Variants in KDM1A observed in about 807,000 individuals in gnomAD.
KDM1A encodes lysine-specific histone demethylase 1A.
KDM1A carries 49 observed loss-of-function variants against 109.4 expected under a neutral mutation model. The ratio of observed to expected loss-of-function variants is 0.45; its 90% CI spans 0.36 to 0.57. KDM1A has a LOEUF of 0.57. Ranked by LOEUF, KDM1A falls within the 20% of genes least tolerant of loss-of-function variation. KDM1A has a pLI of 0.00. For missense variants in KDM1A, 668 were observed against 1,116.6 expected, an observed-to-expected ratio of 0.60 and a Z score of 5.73; for synonymous variants, 380 against 415.4, an observed-to-expected ratio of 0.91 and a Z score of 1.04.
At chr1:23,023,973 C>T (rs1641719767) in intron 1 of KDM1A, among the ~76,000 whole-genome samples, 1 of 152,180 alleles carries the variant, frequency 6.6e-6, no homozygotes, top group African/African-American at 2.4e-5. Context: ...TCTCAGCCTC[C>T]TGAGTAGCTG....
Position 23,055,180 on chromosome 1 carries a change from G to T in KDM1A, c.883+19G>T. On this transcript the variant is annotated intron_variant, in intron 6 of 20. Coordinates refer to ENST00000400181, the MANE Select transcript of KDM1A (RefSeq NM_001009999.3). ...CTACCAAGTAAGGACCTCCTACCTG[G>T]CTGATAAATTTTACATTTTTAAGTT... The T allele has an allele frequency of 6.7e-7, 1 of 1,482,742 alleles. No individual in the cohort carries two copies. The highest frequency in any genetic ancestry group is 9.3e-7 in the Non-Finnish European group (1 of 1,078,750). 91.8% of individuals were successfully genotyped at this position (1,482,742 alleles called of 1,614,324 possible). A position where few individuals can be genotyped will look rare whatever the true frequency, so the allele number is the denominator to read the frequency against.
At position 23,068,689 on chromosome 1, in the gene KDM1A, C is replaced by A; in HGVS notation, c.1322+8C>A. 6.5e-7 allele frequency: 1 copy of A among 1,538,552 alleles called. No individual in the cohort carries two copies. Among genetic ancestry groups the A allele is most frequent in the Middle Eastern group, 1.7e-4 (1 of 5,758 alleles). On this transcript the variant is annotated splice_region_variant and intron_variant, in intron 11 of 20. Transcript: ENST00000400181. ...ATTGGAAGTTGTCATTCAGTAAGTA[C>A]TTTGATACTGCTTATTGTATAGTGA...
intron 1 of KDM1A, among the ~76,000 whole-genome samples, chr1:23,029,095 T>C (rs1641896327): frequency 1.3e-5 from 2 of 151,772 alleles, no homozygotes; most frequent in African/African-American, 4.8e-5. Flanking sequence ...CAGCAACCAG[T>C]CCCCCGCCCC....
chr1:23,065,673 C>G (rs965087964), intron 9 of KDM1A, among the ~76,000 whole-genome samples: 1 of 152,098 alleles, frequency 6.6e-6, no homozygotes, highest in Non-Finnish European at 1.5e-5. Flanking sequence ...TGGTGTCAGT[C>G]AAATGTGGCA....
Position 23,053,820 on chromosome 1 carries a change from A to G in KDM1A, c.771A>G (p.Gln257=), listed in dbSNP as rs1270078829. Residue 257 remains glutamine (Q), a synonymous_variant, in exon 5 of 21, where the codon CAA becomes CAG. Coordinates refer to ENST00000400181, the MANE Select transcript of KDM1A (RefSeq NM_001009999.3). ...IQLTFEATLQ[Q]LEAPYNSDTV... ...TGACATTTGAGGCTACTCTCCAACAATTAGAAGCACCTTATAACAGTAAGT... is the reference window on the plus strand; with the variant it reads ...TGACATTTGAGGCTACTCTCCAACAGTTAGAAGCACCTTATAACAGTAAGT... 3.1e-6 allele frequency: 5 copies of G among 1,600,508 alleles called. No individual in the cohort carries two copies. The highest frequency in any genetic ancestry group is 1.3e-5 in the African/African-American group (1 of 74,616).
intron 3 of KDM1A, among the ~76,000 whole-genome samples, chr1:23,046,218 C>G (rs1289680249): frequency 1.3e-5 from 2 of 152,132 alleles, no homozygotes; most frequent in African/African-American, 4.8e-5. Flanking sequence ...AAGACTATTC[C>G]TTACACCCTT....
At chr1:23,039,188 T>C (rs544415764) in intron 2 of KDM1A, among the ~76,000 whole-genome samples, 1 of 152,360 alleles carries the variant, frequency 6.6e-6, no homozygotes, top group East Asian at 1.9e-4. Context: ...TTAATTGTAT[T>C]AGCCAGTCTC....
chr1:23,051,782 G>A (rs1391185340), intron 4 of KDM1A, among the ~76,000 whole-genome samples: 1 of 152,186 alleles, frequency 6.6e-6, no homozygotes, highest in African/African-American at 2.4e-5. Context: ...TCATTGATAT[G>A]TCTGCTTTTT....
At chr1:23,054,697 G>C (rs1332282604) in intron 5 of KDM1A, among the ~76,000 whole-genome samples, 4 of 152,088 alleles carry the variant, frequency 2.6e-5, no homozygotes. Flanking sequence ...TACAGTCATA[G>C]CTCCCTGTAG....
At chr1:23,071,411 G>A in intron 13 of KDM1A, 52 bp downstream of exon 13, 1 of 1,529,174 alleles carries the variant, frequency 6.5e-7, no homozygotes, top group Non-Finnish European at 8.8e-7. Context: ...CTAAGAAATA[G>A]CACAGATCTG....
In KDM1A at chr1:23,081,441, C is replaced by G; in HGVS notation, c.2171-5C>G. 1 of 1,613,938 alleles carries G rather than the reference C, an allele frequency of 6.2e-7. No individual in the cohort carries two copies. The highest frequency in any genetic ancestry group is 1.1e-5 in the South Asian group (1 of 91,052). ...ACCCTAGAATTATCCTTTCTGTTTC[C>G]CCAGCTCCAATACTGTTGGCACTAG... On this transcript the variant is annotated splice_region_variant and splice_polypyrimidine_tract_variant and intron_variant, in intron 18 of 20. Transcript: ENST00000400181.
At chr1:23,078,798 A>C (rs112551549) in intron 16 of KDM1A, among the ~76,000 whole-genome samples, 192 bp from the exon 17 acceptor site, 42 of 152,294 alleles carry the variant, frequency 2.8e-4, no homozygotes, top group African/African-American at 9.4e-4. Flanking sequence ...GAATCCTGGC[A>C]CTTATTACGT....
In KDM1A at chr1:23,071,351, C is replaced by T. The variant is rs1231228629; in HGVS notation, c.1540C>T (p.Leu514=). 2 of 1,609,512 alleles carry T rather than the reference C, an allele frequency of 1.2e-6. No homozygotes were observed. The highest frequency in any genetic ancestry group is 1.7e-5 in the Admixed American group (1 of 58,734). Residue 514 remains leucine (L), a synonymous_variant, in exon 13 of 21, where the codon CTA becomes TTA. Transcript: ENST00000400181. ...AAGCAAACACAGGGATCTGACCGCC[C>T]TATGCAAGGTGTGGTATACATACAT... ...VKSKHRDLTA[L]CKEYDELAET... is the part of the protein sequence containing the mutation.
rs10685820 is a variant in KDM1A at position 23,057,800 on chromosome 1, C to CTTTTTTTTTTTTT, written c.1072+242_1072+254dup. The CTTTTTTTTTTTTT allele has an allele frequency of 2.4e-5, 3 of 125,636 alleles. 1 individual carries two copies. The highest frequency in any genetic ancestry group is 2.9e-5 in the Non-Finnish European group (2 of 68,108). The allele number at this position is 125,636 out of a possible 1,614,324, so 7.8% of individuals were successfully genotyped here. A position where few individuals can be genotyped will look rare whatever the true frequency, so the allele number is the denominator to read the frequency against. Reference sequence around the variant, plus strand: ...TAAGTAGATAATGTTGTGTTTGAAGCTTTTTTTTTTTTTTTTTTTGTGAGA... The same window carrying CTTTTTTTTTTTTT: ...TAAGTAGATAATGTTGTGTTTGAAGCTTTTTTTTTTTTTTTTTTTTTTTTTTTTTTTTGTGAGA... On this transcript the variant is annotated intron_variant, in intron 8 of 20. Coordinates refer to ENST00000400181, the MANE Select transcript of KDM1A (RefSeq NM_001009999.3).
At chr1:23,058,404 A>G (rs1398787272) in intron 8 of KDM1A, among the ~76,000 whole-genome samples, 1 of 152,246 alleles carries the variant, frequency 6.6e-6, no homozygotes, top group Non-Finnish European at 1.5e-5. Context: ...ACAAGCTTAT[A>G]GGACAAGTAC....
chr1:23,023,471 C>T (rs745353249), intron 1 of KDM1A, among the ~76,000 whole-genome samples: 19 of 152,122 alleles, frequency 1.2e-4, no homozygotes, highest in African/African-American at 4.6e-4. Flanking sequence ...TTTCTCTCAG[C>T]GAATAGTTGG....
chr1:23,050,045 A>G (rs1308894072), intron 3 of KDM1A, among the ~76,000 whole-genome samples: 2 of 152,084 alleles, frequency 1.3e-5, no homozygotes, highest in South Asian at 2.1e-4. Flanking sequence ...CTGTTAGTGC[A>G]TTTTCCTTTA....
chr1:23,079,256 G>A lies in KDM1A; in HGVS notation c.2055+79G>A, dbSNP rs986144113. 6.8e-7 allele frequency: 1 copy of A among 1,471,500 alleles called. No homozygotes were observed. Among genetic ancestry groups the A allele is most frequent in the African/African-American group, 1.4e-5 (1 of 71,182 alleles). The allele number at this position is 1,471,500 out of a possible 1,614,324, so 91.2% of individuals were successfully genotyped here. A position where few individuals can be genotyped will look rare whatever the true frequency, so the allele number is the denominator to read the frequency against. On this transcript the variant is annotated intron_variant, in intron 17 of 20. Transcript: ENST00000400181. This position sits in a 1 kb window ranked among gnomAD's most constrained non-coding sequence, Gnocchi z 5.6. ...TCGTTGTTTACTTGGTGAGGAGGTG[G>A]CCTTGCATTTTTGGGCATTTGGCTA... is the stretch of plus-strand genomic sequence containing the variant.
Position 23,030,528 on chromosome 1 carries a change from A to G in KDM1A, c.411A>G (p.Ser137=), listed in dbSNP as rs1290584255. 6.2e-7 allele frequency: 1 copy of G among 1,612,890 alleles called. No homozygotes were observed. The highest frequency in any genetic ancestry group is 8.5e-7 in the Non-Finnish European group (1 of 1,179,728). The change falls in exon 2 of 21, where the codon TCA becomes TCG. Residue 137 remains serine, a synonymous_variant. Transcript: ENST00000400181. Reference sequence around the variant, plus strand: ...ACCTCTCAGAAGATGAGTATTATTCAGAAGAAGAGAGAAATGCCAAAGCAG... The same window carrying G: ...ACCTCTCAGAAGATGAGTATTATTCGGAAGAAGAGAGAAATGCCAAAGCAG... ...LANLSEDEYY[S]EEERNAKAEK... is the part of the protein sequence containing the mutation.
Sources: allele counts gnomAD v4.1 joint callset (sites outside exome capture counted in the v4.1 genomes callset), GRCh38; gene constraint gnomAD v4.1.1; non-coding constraint Gnocchi (gnomAD v3.1); transcripts MANE v1.5; gene names NCBI Gene and HGNC (gene_info 2026-07-23, HGNC 2026-07-21).